Variants in NOP2 observed in about 807,000 individuals in gnomAD.
The protein encoded by NOP2 is NOP2 nucleolar protein.
Under a neutral mutation model 72.7 loss-of-function variants are expected in NOP2, and 7 were observed. That is an observed-to-expected ratio of 0.10 (90% CI 0.05 to 0.18). The LOEUF (loss-of-function observed/expected upper bound fraction) is 0.18. NOP2 is among the 10% of genes least tolerant of loss of function. The pLI, the probability that NOP2 is intolerant of heterozygous loss-of-function variation, is 1.00. For synonymous variants in NOP2, 387 were observed against 388.0 expected (o/e 1.00, Z 0.03); for missense variants, 954 against 1,014.7 (o/e 0.94, Z 0.81).
rs1408868159 is a variant in NOP2, at chr12:6,560,970, G to A, written c.1308C>T (p.Asn436=). Residue 436 remains asparagine (N), a synonymous_variant, in exon 12 of 16, where the codon AAC becomes AAT. Coordinates refer to ENST00000322166, the MANE Select transcript of NOP2 (RefSeq NM_001258308.2). This position sits in a 1 kb window ranked among gnomAD's most constrained non-coding sequence, Gnocchi z 5.0. ...GCCCATCATAGTGGCTGATAATGGT[G>A]TTGGTGACTCCCAGCCGATGCAAGT... ...VGNLHRLGVT[N]TIISHYDGRQ... is the part of the protein sequence containing the mutation. The A allele has an allele frequency of 3.7e-6, 6 of 1,613,796 alleles. No homozygotes were observed. The African/African-American group carries it at 5.3e-5, about 14-fold the overall frequency.
chr12:6,563,554 C>G (rs758988848), intron 7 of NOP2, 40 bp from the exon 8 acceptor site: 2 of 1,609,606 alleles, frequency 1.2e-6, no homozygotes, highest in Non-Finnish European at 1.7e-6. Flanking sequence ...GTCCTAAGGC[C>G]TGGAAATCCC....
Position 6,560,598 on chromosome 12 carries a change from C to A in NOP2, c.1438-29G>T. 1.2e-6 allele frequency: 2 copies of A among 1,601,492 alleles called. No individual in the cohort carries two copies. Among genetic ancestry groups the A allele is most frequent in the Non-Finnish European group, 1.7e-6 (2 of 1,171,708 alleles). The stretch of plus-strand genomic sequence containing the variant: ...TCCCAAAAAGAGACCCAAAGGCAGC[C>A]TCAGGAGGAGAGGGGAGCCCAGAGG... On this transcript the variant is annotated intron_variant, in intron 13 of 15. Transcript: ENST00000322166. This position sits in a 1 kb window ranked among gnomAD's most constrained non-coding sequence, Gnocchi z 5.0.
At chr12:6,558,732 T>A (rs1565586035) in intron 15 of NOP2, among the ~76,000 whole-genome samples, 1 of 150,478 alleles carries the variant, frequency 6.6e-6, no homozygotes, top group Non-Finnish European at 1.5e-5. Flanking sequence ...TACCTCAGCC[T>A]CCAGAGTAGC....
Position 6,557,526 on chromosome 12 carries a change from G to A in NOP2, c.1906C>T (p.Leu636=), listed in dbSNP as rs764729466. The part of the protein sequence containing the change: ...AKGAAKTKQQ[L]QKQQHPKKAS... ...TTCTTGGGATGTTGCTGTTTCTGCAGCTGCTGCTTTGTCTTTGCAGCCCCC... is the reference window on the plus strand; with the variant it reads ...TTCTTGGGATGTTGCTGTTTCTGCAACTGCTGCTTTGTCTTTGCAGCCCCC... Residue 636 remains leucine (L), a synonymous_variant, in exon 16 of 16, where the codon CTG becomes TTG. Transcript: ENST00000322166. The A allele has an allele frequency of 3.1e-6, 5 of 1,613,832 alleles. No individual in the cohort carries two copies. The African/African-American group carries it at 6.7e-5, about 22-fold the overall frequency.
At chr12:6,567,626 G>A in intron 2 of NOP2, 190 bp downstream of exon 2, 1 of 505,290 alleles carries the variant, frequency 2.0e-6, no homozygotes. Context: ...AGTTGTGTCC[G>A]TGTCTTCACA....
intron 11 of NOP2, 88 bp downstream of exon 11, chr12:6,561,576 G>T: frequency 6.6e-7 from 1 of 1,525,012 alleles, no homozygotes; most frequent in Non-Finnish European, 9.0e-7. Flanking sequence ...TGTTCCATGA[G>T]CACTAGTGAG....
chr12:6,567,227 G>C (rs1434888374), intron 2 of NOP2, among the ~76,000 whole-genome samples: 2 of 152,162 alleles, frequency 1.3e-5, no homozygotes, highest in African/African-American at 4.8e-5. Flanking sequence ...TTCCTTAATA[G>C]TGCCTCTCTC....
In NOP2 at chr12:6,560,852, G is replaced by A; in HGVS notation, c.1348-65C>T. 1 of 1,608,876 alleles carries A rather than the reference G, an allele frequency of 6.2e-7. No homozygotes were observed. Among genetic ancestry groups the A allele is most frequent in the South Asian group, 1.1e-5 (1 of 90,410 alleles). On this transcript the variant is annotated intron_variant, in intron 12 of 15. Coordinates refer to ENST00000322166, the MANE Select transcript of NOP2 (RefSeq NM_001258308.2). This position sits in a 1 kb window ranked among gnomAD's most constrained non-coding sequence, Gnocchi z 5.0. ...AACCAGCAGGGCAATATTTACTAGG[G>A]TCGAGTCTAAACATTGAGGTCAGGA...
intron 5 of NOP2, among the ~76,000 whole-genome samples, chr12:6,564,589 A>G (rs1462110217): frequency 6.6e-6 from 1 of 151,900 alleles, no homozygotes; most frequent in Non-Finnish European, 1.5e-5. Flanking sequence ...CACCATGCCC[A>G]GCTAATTTTT....
chr12:6,557,784 A>G, intron 15 of NOP2, 142 bp from the exon 16 acceptor site: 1 of 873,954 alleles, frequency 1.1e-6, no homozygotes, highest in Non-Finnish European at 1.7e-6. Context: ...CAGATTACCT[A>G]AATTCCCATT....
rs367722726 is a variant in NOP2, at chr12:6,560,881, G to A, written c.1347+50C>T. Reference sequence around the variant, plus strand: ...AGTCTAAACATTGAGGTCAGGAAGGGAGAAGGTCAACCGGAAGAAGCCTCA... The same window carrying A: ...AGTCTAAACATTGAGGTCAGGAAGGAAGAAGGTCAACCGGAAGAAGCCTCA... On this transcript the variant is annotated intron_variant, in intron 12 of 15. Transcript: ENST00000322166. The surrounding 1 kb of genome is among the most constrained non-coding windows in gnomAD (Gnocchi z 5.0). The A allele has an allele frequency of 6.2e-7, 1 of 1,612,336 alleles. No individual in the cohort carries two copies. Among genetic ancestry groups the A allele is most frequent in the Non-Finnish European group, 8.5e-7 (1 of 1,178,938 alleles).
chr12:6,567,619 T>G (rs2136181556), intron 2 of NOP2, 197 bp downstream of exon 2: 1 of 503,762 alleles, frequency 2.0e-6, no homozygotes, highest in East Asian at 3.4e-5. Context: ...GAATAATAGT[T>G]GTGTCCGTGT....
rs183704998 is a variant in NOP2, at chr12:6,564,189, T to C, written c.475-243A>G. 27 of 1,210,716 alleles carry C rather than the reference T, an allele frequency of 2.2e-5. No individual in the cohort carries two copies. The Admixed American group carries it at 3.5e-4, about 16-fold the overall frequency. 75.0% of individuals were successfully genotyped at this position (1,210,716 alleles called of 1,614,324 possible). Reference sequence around the variant, plus strand: ...TACTTGGGAAGCTGAGGCAGGAGAATTGCTTGAACCCGGGAGGTGGAGGTT... The same window carrying C: ...TACTTGGGAAGCTGAGGCAGGAGAACTGCTTGAACCCGGGAGGTGGAGGTT... On this transcript the variant is annotated intron_variant, in intron 5 of 15. Coordinates refer to ENST00000322166, the MANE Select transcript of NOP2 (RefSeq NM_001258308.2).
chr12:6,563,359 C>T lies in NOP2; in HGVS notation c.844G>A (p.Asp282Asn). ...KDLAIYYSYG[D>N]FLLGKLMDLF... ...TCCATGAGCTTGCCAAGCAGGAAGT[C>T]TCCATAGGAGTAGTAAATGGCCAGA... Residue 282 changes from aspartate (D) to asparagine (N), a missense_variant, in exon 8 of 16, where the codon GAC becomes AAC. By Grantham distance (23) the Asp-to-Asn change is conservative. Around this residue, in one of 3 missense-constraint regions of NOP2, gnomAD observed 498 missense variants for 478.3 expected, o/e 1.04. Transcript: ENST00000322166. 6.2e-7 allele frequency: 1 copy of T among 1,602,958 alleles called. No individual in the cohort carries two copies. The highest frequency in any genetic ancestry group is 2.2e-5 in the East Asian group (1 of 44,448).
chr12:6,560,187 C>T lies in NOP2; in HGVS notation c.1700G>A (p.Arg567Gln), dbSNP rs367594016. 1.1e-5 allele frequency: 17 copies of T among 1,613,890 alleles called. No individual in the cohort carries two copies. Among genetic ancestry groups the T allele is most frequent in the Non-Finnish European group, 1.4e-5 (17 of 1,179,904 alleles). ...ATTGTGGGTATGAGGGTAGAAGCGT[C>T]GGGTAGAACGCAGACTGGGGTGGAA... is the stretch of plus-strand genomic sequence containing the variant. ...RRFHPSLRST[R>Q]RFYPHTHNMD... The change falls in exon 15 of 16, where the codon CGA (arginine) becomes CAA (glutamine). Residue 567 changes from arginine to glutamine, a missense_variant. Around this residue, in one of 3 missense-constraint regions of NOP2, gnomAD observed 187 missense variants for 276.2 expected, o/e 0.68. Coordinates refer to ENST00000322166, the MANE Select transcript of NOP2 (RefSeq NM_001258308.2). This position sits in a 1 kb window ranked among gnomAD's most constrained non-coding sequence, Gnocchi z 5.0.
At position 6,560,208 on chromosome 12, in the gene NOP2, T is replaced by C; in HGVS notation, c.1679A>G (p.His560Arg). 6.2e-7 allele frequency: 1 copy of C among 1,613,876 alleles called. No individual in the cohort carries two copies. Among genetic ancestry groups the C allele is most frequent in the Non-Finnish European group, 8.5e-7 (1 of 1,179,866 alleles). The change falls in exon 15 of 16, where the codon CAC becomes CGC. Residue 560 changes from histidine to arginine, a missense_variant. By Grantham distance (29) the His-to-Arg change is conservative (BLOSUM62 0). Around this residue, in one of 3 missense-constraint regions of NOP2, gnomAD observed 187 missense variants for 276.2 expected, o/e 0.68. Transcript: ENST00000322166. This position sits in a 1 kb window ranked among gnomAD's most constrained non-coding sequence, Gnocchi z 5.0. ...GCGTCGGGTAGAACGCAGACTGGGG[T>C]GGAAGCGCCTTTCTCGAAAGCGGGT... ...GFTRFRERRF[H>R]PSLRSTRRFY...
In NOP2 at chr12:6,563,779, C is replaced by G; in HGVS notation, c.531-8G>C. Reference sequence around the variant, plus strand: ...TCTTCACTCCACTGGATCCTAGAAACAGGTCCAGGAACAGAGTGATTCACA... The same window carrying G: ...TCTTCACTCCACTGGATCCTAGAAAGAGGTCCAGGAACAGAGTGATTCACA... On this transcript the variant is annotated splice_region_variant and splice_polypyrimidine_tract_variant and intron_variant, in intron 6 of 15. Transcript: ENST00000322166. 4 of 1,612,902 alleles carry G rather than the reference C, an allele frequency of 2.5e-6. No homozygotes were observed.
rs370795382 is a variant in NOP2 at position 6,560,682 on chromosome 12, C to G, written c.1437+16G>C. 6.2e-7 allele frequency: 1 copy of G among 1,613,226 alleles called. No homozygotes were observed. The highest frequency in any genetic ancestry group is 8.5e-7 in the Non-Finnish European group (1 of 1,179,450). ...CCAGCCAAGGCCTCTCAGGGGCCCA[C>G]CACCTGACTCCTCACCTTGTTAGTC... On this transcript the variant is annotated intron_variant, in intron 13 of 15. Coordinates refer to ENST00000322166, the MANE Select transcript of NOP2 (RefSeq NM_001258308.2). This position sits in a 1 kb window ranked among gnomAD's most constrained non-coding sequence, Gnocchi z 5.0.
At position 6,560,178 on chromosome 12, in the gene NOP2, T is replaced by C. The variant is rs751715863; in HGVS notation, c.1709A>G (p.Tyr570Cys). 1 of 1,614,004 alleles carries C rather than the reference T, an allele frequency of 6.2e-7. No individual in the cohort carries two copies. Among genetic ancestry groups the C allele is most frequent in the Non-Finnish European group, 8.5e-7 (1 of 1,179,884 alleles). ...CCCATCCATATTGTGGGTATGAGGG[T>C]AGAAGCGTCGGGTAGAACGCAGACT... ...HPSLRSTRRF[Y>C]PHTHNMDGFF... is the part of the protein sequence containing the mutation. The change falls in exon 15 of 16, where the codon TAC becomes TGC. Residue 570 changes from tyrosine to cysteine, a missense_variant. Around this residue, in one of 3 missense-constraint regions of NOP2, gnomAD observed 187 missense variants for 276.2 expected, o/e 0.68. Transcript: ENST00000322166. This position sits in a 1 kb window ranked among gnomAD's most constrained non-coding sequence, Gnocchi z 5.0.
Sources: allele counts gnomAD v4.1 joint callset (sites outside exome capture counted in the v4.1 genomes callset), GRCh38; gene constraint gnomAD v4.1.1; regional missense constraint gnomAD v4.1.1; non-coding constraint Gnocchi (gnomAD v3.1); transcripts MANE v1.5; gene names NCBI Gene and HGNC (gene_info 2026-07-23, HGNC 2026-07-21).